The following BEND3 variants were observed in gnomAD, a reference collection of about 807,000 sequenced individuals.
BEND3 encodes BEN domain-containing protein 3.
BEND3 carries 13 observed loss-of-function variants against 60.1 expected under a neutral mutation model. That is an observed-to-expected ratio of 0.22 (90% CI 0.14 to 0.34). BEND3 has a LOEUF of 0.34. Among genes scored for constraint, BEND3 ranks in the 10% least tolerant of loss-of-function variants. The pLI is 1.00. For synonymous variants in BEND3, 497 were observed against 491.5 expected (o/e 1.01, Z -0.15); for missense variants, 896 against 1,138.1 (o/e 0.79, Z 3.06).
At chr6:107,078,208 G>A (rs1235736836) in intron 3 of BEND3, among the ~76,000 whole-genome samples, 3 of 152,182 alleles carry the variant, frequency 2.0e-5, no homozygotes, top group East Asian at 1.9e-4. Context: ...ATTGATAGAC[G>A]CCTGCCTGTG....
intron 1 of BEND3, among the ~76,000 whole-genome samples, chr6:107,100,296 G>A (rs1775678170): frequency 6.6e-6 from 1 of 152,224 alleles, no homozygotes; most frequent in Non-Finnish European, 1.5e-5. Context: ...AGGCTGGAGT[G>A]CAGTGGCGCA....
At chr6:107,094,334 GAAC>G (rs1775536571) in intron 3 of BEND3, among the ~76,000 whole-genome samples, 1 of 151,772 alleles carries the variant, frequency 6.6e-6, no homozygotes, top group Non-Finnish European at 1.5e-5. Flanking sequence ...CAAATTAAGA[GAAC>G]AACAGCCGGG....
intron 3 of BEND3, among the ~76,000 whole-genome samples, chr6:107,092,191 A>AGCTCCCG (rs1239575434): frequency 6.6e-6 from 1 of 151,664 alleles, no homozygotes; most frequent in Non-Finnish European, 1.5e-5. Flanking sequence ...CGGGAGGCGG[A>AGCTCCCG]GCTTGCAGTA....
At position 107,069,154 on chromosome 6, in the gene BEND3, C is replaced by T. The variant is rs782608505; in HGVS notation, c.2037G>A (p.Arg679=). ...DLTSYAINPE[R]FREEFEGPPL... is the part of the protein sequence containing the mutation. Reference sequence around the variant, plus strand: ...GGGGCCCCTCAAACTCCTCCCGGAACCTCTCGGGGTTGATTGCATAGCTGG... The same window carrying T: ...GGGGCCCCTCAAACTCCTCCCGGAATCTCTCGGGGTTGATTGCATAGCTGG... The change falls in exon 4 of 4, where the codon AGG becomes AGA. Residue 679 remains arginine, a synonymous_variant. Coordinates refer to ENST00000369042, the MANE Select transcript of BEND3 (RefSeq NM_001367314.1). 88 of 1,612,550 alleles carry T rather than the reference C, an allele frequency of 5.5e-5. No individual in the cohort carries two copies. The highest frequency in any genetic ancestry group is 7.2e-5 in the Non-Finnish European group (85 of 1,180,026).
At chr6:107,088,464 C>T (rs1188670538) in intron 3 of BEND3, among the ~76,000 whole-genome samples, 1 of 152,014 alleles carries the variant, frequency 6.6e-6, no homozygotes, top group Admixed American at 6.6e-5. Flanking sequence ...AGATACCAAA[C>T]CACAGATCTA....
At chr6:107,071,041 G>A (rs1774969671) in intron 3 of BEND3, 91 bp from the exon 4 acceptor site, 2 of 1,262,962 alleles carry the variant, frequency 1.6e-6, no homozygotes, top group Non-Finnish European at 2.1e-6. Context: ...AGAGGCCGAG[G>A]TCAACCTTGG....
chr6:107,091,810 T>A (rs1775480062), intron 3 of BEND3, among the ~76,000 whole-genome samples: 1 of 152,070 alleles, frequency 6.6e-6, no homozygotes, highest in Non-Finnish European at 1.5e-5. Context: ...GAGGCCAGCA[T>A]TACCTTAATA....
chr6:107,087,072 C>T (rs1775367119), intron 3 of BEND3, among the ~76,000 whole-genome samples: 1 of 150,910 alleles, frequency 6.6e-6, no homozygotes, highest in African/African-American at 2.4e-5. Context: ...AAGCCTGGGC[C>T]GGTAATCCCA....
chr6:107,087,023 T>TAAAAAA (rs58435912), intron 3 of BEND3, among the ~76,000 whole-genome samples: 4 of 80,722 alleles, frequency 5.0e-5, no homozygotes, highest in Non-Finnish European at 7.3e-5. Context: ...AGACTCTGTC[T>TAAAAAA]AAAAAAAAAA....
At chr6:107,082,416 A>T (rs1775253090) in intron 3 of BEND3, among the ~76,000 whole-genome samples, 1 of 152,160 alleles carries the variant, frequency 6.6e-6, no homozygotes, top group East Asian at 1.9e-4. Flanking sequence ...ATGAAAAAAT[A>T]AAATAGCGGT....
At chr6:107,089,751 TG>T (rs1212299470) in intron 3 of BEND3, among the ~76,000 whole-genome samples, 3 of 151,058 alleles carry the variant, frequency 2.0e-5, no homozygotes, top group Non-Finnish European at 3.0e-5. Flanking sequence ...CGCACAATTG[TG>T]CACGGCTAAT....
In BEND3 at chr6:107,070,488, C is replaced by CAGTGGGGCTCACCTGCTTCTT; in HGVS notation, c.682_702dup (p.Lys228_Thr234dup). ...GGCGGCTGGAATTTGGCCACCATCTCAGTGGGGCTCACCTGCTTCTTGATG... is the reference window on the plus strand; with the variant it reads ...GGCGGCTGGAATTTGGCCACCATCTCAGTGGGGCTCACCTGCTTCTTAGTGGGGCTCACCTGCTTCTTGATG... On this transcript the variant is annotated inframe_insertion, in exon 4 of 4. Coordinates refer to ENST00000369042, the MANE Select transcript of BEND3 (RefSeq NM_001367314.1). This position sits in a 1 kb window ranked among gnomAD's most constrained non-coding sequence, Gnocchi z 6.9. The CAGTGGGGCTCACCTGCTTCTT allele has an allele frequency of 6.2e-7, 1 of 1,614,156 alleles. No homozygotes were observed. Among genetic ancestry groups the CAGTGGGGCTCACCTGCTTCTT allele is most frequent in the East Asian group, 2.2e-5 (1 of 44,880 alleles).
intron 1 of BEND3, among the ~76,000 whole-genome samples, chr6:107,104,261 G>A (rs1342380838): frequency 5.7e-5 from 8 of 140,456 alleles, no homozygotes; most frequent in Non-Finnish European, 7.5e-5. Flanking sequence ...CTGCACTCCA[G>A]CCTGGGCGAC....
intron 1 of BEND3, among the ~76,000 whole-genome samples, chr6:107,109,150 TG>T (rs1334586289): frequency 6.7e-6 from 1 of 148,624 alleles, no homozygotes; most frequent in Non-Finnish European, 1.5e-5. Flanking sequence ...GATTAAAAAT[TG>T]GTGGGGGCGG....
At chr6:107,095,132 G>A (rs1238753879) in intron 3 of BEND3, among the ~76,000 whole-genome samples, 1 of 151,974 alleles carries the variant, frequency 6.6e-6, no homozygotes, top group Non-Finnish European at 1.5e-5. Context: ...CTGTGCCACT[G>A]CTTTTGCACT....
intron 1 of BEND3, among the ~76,000 whole-genome samples, chr6:107,102,705 A>G (rs1775726262): frequency 6.6e-6 from 1 of 152,190 alleles, no homozygotes; most frequent in South Asian, 2.1e-4. Flanking sequence ...GGAATCTCCC[A>G]TTTGCAAGGC....
chr6:107,104,013 C>T (rs1251203954), intron 1 of BEND3, among the ~76,000 whole-genome samples: 2 of 151,262 alleles, frequency 1.3e-5, no homozygotes, highest in Admixed American at 6.6e-5. Flanking sequence ...AAGAGAAGGC[C>T]GGGCGTGGTA....
chr6:107,068,931 CGGT>C lies in BEND3; in HGVS notation c.2257_2259del (p.Thr753del). ...TTGTACTGCAGCCGGAGGTTCTCGG[CGGT>C]GAAGAGTTCGGGAAACAGGCGGACG... On this transcript the variant is annotated inframe_deletion, in exon 4 of 4. Coordinates refer to ENST00000369042, the MANE Select transcript of BEND3 (RefSeq NM_001367314.1). This position sits in a 1 kb window ranked among gnomAD's most constrained non-coding sequence, Gnocchi z 5.8. 6.2e-7 allele frequency: 1 copy of C among 1,613,842 alleles called. No individual in the cohort carries two copies. The highest frequency in any genetic ancestry group is 8.5e-7 in the Non-Finnish European group (1 of 1,180,008).
chr6:107,078,589 G>T (rs200461323), intron 3 of BEND3, among the ~76,000 whole-genome samples: 1 of 147,528 alleles, frequency 6.8e-6, no homozygotes, highest in Non-Finnish European at 1.5e-5. Flanking sequence ...CAAAGTGCTG[G>T]GATTACAGGC....
Sources: gnomAD v4.1 joint callset for allele counts (sites outside exome capture counted in the v4.1 genomes callset) on GRCh38, gnomAD v4.1.1 for gene constraint, Gnocchi (gnomAD v3.1) non-coding constraint, MANE v1.5 for transcripts, NCBI Gene and HGNC (gene_info 2026-07-23, HGNC 2026-07-21) for gene names.